GPS1: variants seen among roughly 807,000 people sequenced by gnomAD.
GPS1 encodes the protein COP9 signalosome complex subunit 1.
Under a neutral mutation model 60.0 loss-of-function variants are expected in GPS1, and 11 were observed. That is an observed-to-expected ratio of 0.18 (90% confidence interval 0.12 to 0.30). The LOEUF (loss-of-function observed/expected upper bound fraction) is 0.30, where lower values mean the gene tolerates loss of function less well. Ranked by LOEUF, GPS1 falls within the 10% of genes least tolerant of loss-of-function variation. The pLI is 1.00. For synonymous variants in GPS1, 343 were observed against 269.8 expected (o/e 1.27, Z -2.66); for missense variants, 543 against 669.2 (o/e 0.81, Z 2.08).
rs1209422749 is a variant in GPS1 at position 82,054,988 on chromosome 17, T to A, written c.687+13T>A. Reference sequence around the variant, plus strand: ...AGAGATTGCCGAGGTACGGGCCACCTCCTCAGAGACCTTGCCCCCAGGATT... The same window carrying A: ...AGAGATTGCCGAGGTACGGGCCACCACCTCAGAGACCTTGCCCCCAGGATT... On this transcript the variant is annotated intron_variant, in intron 5 of 12. Coordinates refer to ENST00000578552, the MANE Select transcript of GPS1 (RefSeq NM_001321092.3). The A allele has an allele frequency of 1.9e-6, 3 of 1,612,830 alleles. No homozygotes were observed. The highest frequency in any genetic ancestry group is 1.7e-6 in the Non-Finnish European group (2 of 1,179,912).
chr17:82,051,074 C>A (rs2030477984), upstream of GPS1: 2 of 1,369,312 alleles, frequency 1.5e-6, no homozygotes, highest in Middle Eastern at 2.7e-4. The surrounding 1 kb of genome is among the most constrained non-coding windows in gnomAD (Gnocchi z 4.1). Context: ...TAGCCCCACG[C>A]CCCGGGAAGC....
chr17:82,056,811 T>C (rs1258622596), intron 11 of GPS1, 29 bp from the exon 12 acceptor site: 3 of 1,609,610 alleles, frequency 1.9e-6, no homozygotes, highest in Non-Finnish European at 2.5e-6. Context: ...GGGGTGAGCC[T>C]GGGCCCCGCT....
chr17:82,056,351 C>T lies in GPS1; in HGVS notation c.995C>T (p.Ser332Phe), dbSNP rs1177110614. ...VRDIIFKFYESKYASCLKMLD... is the reference protein window; with the variant it reads ...VRDIIFKFYEFKYASCLKMLD... ...GACATCATCTTCAAATTCTACGAGT[C>T]CAAGTACGCCTCATGTCTCAAGATG... Residue 332 changes from serine (S) to phenylalanine (F), a missense_variant, in exon 9 of 13, where the codon TCC becomes TTC. By Grantham distance (155) the Ser-to-Phe change is radical (BLOSUM62 -2). This residue lies in a region of GPS1 where 291 missense variants were observed against 353.7 expected (regional missense o/e 0.82). Transcript: ENST00000578552. 1.2e-6 allele frequency: 2 copies of T among 1,613,376 alleles called. No homozygotes were observed. Among genetic ancestry groups the T allele is most frequent in the Admixed American group, 1.7e-5 (1 of 60,022 alleles).
At chr17:82,054,176 T>C (rs928540666) in intron 3 of GPS1, 127 bp downstream of exon 3, 9 of 1,111,372 alleles carry the variant, frequency 8.1e-6, no homozygotes, top group African/African-American at 1.6e-5. Flanking sequence ...GGTAGAGCTC[T>C]CGCTCTCTTT....
intron 1 of GPS1, chr17:82,052,530 G>A: frequency 2.0e-6 from 3 of 1,536,434 alleles, no homozygotes; most frequent in Non-Finnish European, 2.7e-6. Context: ...TGCTGTGGCT[G>A]GGCCCCTGCT....
Position 82,057,193 on chromosome 17 carries a change from G to GGCGGCTCAGTGCT in GPS1, c.*69_*81dup. 3 of 1,578,474 alleles carry GGCGGCTCAGTGCT rather than the reference G, an allele frequency of 1.9e-6. No homozygotes were observed. The highest frequency in any genetic ancestry group is 2.6e-6 in the Non-Finnish European group (3 of 1,156,378). On this transcript the variant is annotated 3_prime_UTR_variant, in exon 13 of 13. Coordinates refer to ENST00000578552, the MANE Select transcript of GPS1 (RefSeq NM_001321092.3). Reference sequence around the variant, plus strand: ...CACCTCCACGGACCTCGGACCTCCAGGCGGCTCAGTGCTGCCTGCGGCCCA... The same window carrying GGCGGCTCAGTGCT: ...CACCTCCACGGACCTCGGACCTCCAGGCGGCTCAGTGCTGCGGCTCAGTGCTGCCTGCGGCCCA...
At chr17:82,054,220 G>A in intron 3 of GPS1, 171 bp downstream of exon 3, 7 of 778,952 alleles carry the variant, frequency 9.0e-6, no homozygotes, top group Admixed American at 2.9e-5. Flanking sequence ...TGTGTGTGTG[G>A]CTTCTGTGTG....
Position 82,053,315 on chromosome 17 carries a change from A to G in GPS1, c.75A>G (p.Glu25=). ...TGCAGATCGACGTGGACCCCCAGGAAGACCCGCAGAATGCACCTGACGTCA... is the reference window on the plus strand; with the variant it reads ...TGCAGATCGACGTGGACCCCCAGGAGGACCCGCAGAATGCACCTGACGTCA... ...EPMQIDVDPQ[E]DPQNAPDVNY... The change falls in exon 2 of 13, where the codon GAA becomes GAG. Residue 25 remains glutamate (E), a synonymous_variant. Coordinates refer to ENST00000578552, the MANE Select transcript of GPS1 (RefSeq NM_001321092.3). The G allele has an allele frequency of 6.5e-7, 1 of 1,547,690 alleles. No homozygotes were observed. The highest frequency in any genetic ancestry group is 8.7e-7 in the Non-Finnish European group (1 of 1,155,452).
Position 82,051,955 on chromosome 17 carries a change from T to C in GPS1, c.24T>C (p.Phe8=). ...AGATGCCGCTGCCGGTTCAGGTGTT[T>C]AACTTGCAGGTAACGAGCCGAGGCC... MPLPVQV[F]NLQGAVEPMQ... is the part of the protein sequence containing the mutation. Residue 8 remains phenylalanine (F), a synonymous_variant, in exon 1 of 13, where the codon TTT becomes TTC. Coordinates refer to ENST00000578552, the MANE Select transcript of GPS1 (RefSeq NM_001321092.3). The surrounding 1 kb of genome is among the most constrained non-coding windows in gnomAD (Gnocchi z 4.1). The C allele has an allele frequency of 8.6e-7, 1 of 1,161,974 alleles. No individual in the cohort carries two copies. The highest frequency in any genetic ancestry group is 1.6e-5 in the African/African-American group (1 of 61,160). 72.0% of individuals were successfully genotyped at this position (1,161,974 alleles called of 1,614,324 possible).
In GPS1 at chr17:82,051,943, G is replaced by C; in HGVS notation, c.12G>C (p.Pro4=). Residue 4 remains proline, a synonymous_variant, in exon 1 of 13, where the codon CCG becomes CCC. Coordinates refer to ENST00000578552, the MANE Select transcript of GPS1 (RefSeq NM_001321092.3). The surrounding 1 kb of genome is among the most constrained non-coding windows in gnomAD (Gnocchi z 4.1). Reference sequence around the variant, plus strand: ...GGGGTGGGTGCAAGATGCCGCTGCCGGTTCAGGTGTTTAACTTGCAGGTAA... The same window carrying C: ...GGGGTGGGTGCAAGATGCCGCTGCCCGTTCAGGTGTTTAACTTGCAGGTAA... MPL[P]VQVFNLQGAV... is the part of the protein sequence containing the mutation. 3.4e-6 allele frequency: 4 copies of C among 1,166,234 alleles called. No individual in the cohort carries two copies. The highest frequency in any genetic ancestry group is 4.2e-6 in the Non-Finnish European group (4 of 944,508). The allele number at this position is 1,166,234 out of a possible 1,614,324, so 72.2% of individuals were successfully genotyped here.
At chr17:82,052,108 C>A in intron 1 of GPS1, 144 bp downstream of exon 1, 1 of 838,316 alleles carries the variant, frequency 1.2e-6, no homozygotes, top group South Asian at 5.5e-5. Context: ...CAGCGCGCGT[C>A]GGGGGCTGCA....
intron 1 of GPS1, chr17:82,052,397 C>G: frequency 6.2e-7 from 1 of 1,611,866 alleles, no homozygotes; most frequent in Non-Finnish European, 8.5e-7. Flanking sequence ...CCTCGTCCTG[C>G]CCGGCACGGC....
In GPS1 at chr17:82,057,171, C is replaced by A. The variant is rs749504466; in HGVS notation, c.*44C>A. The A allele has an allele frequency of 6.4e-7, 1 of 1,573,712 alleles. No individual in the cohort carries two copies. Among genetic ancestry groups the A allele is most frequent in the South Asian group, 1.2e-5 (1 of 86,024 alleles). On this transcript the variant is annotated 3_prime_UTR_variant, in exon 13 of 13. Coordinates refer to ENST00000578552, the MANE Select transcript of GPS1 (RefSeq NM_001321092.3). ...CAGGACATCTGCACCCCCTCCCCAC[C>A]TCCACGGACCTCGGACCTCCAGGCG...
chr17:82,051,053 G>T (rs904589902), upstream of GPS1: 2 of 1,387,652 alleles, frequency 1.4e-6, no homozygotes, highest in African/African-American at 2.9e-5. This position sits in a 1 kb window ranked among gnomAD's most constrained non-coding sequence, Gnocchi z 4.1. Context: ...CTTCTTCAGG[G>T]GACGTGGCAC....
At chr17:82,051,116 C>G, upstream of GPS1, 1 of 1,337,432 alleles carries the variant, frequency 7.5e-7, no homozygotes, top group Non-Finnish European at 9.5e-7. The surrounding 1 kb of genome is among the most constrained non-coding windows in gnomAD (Gnocchi z 4.1). Flanking sequence ...GGGAGCAGAG[C>G]TTGGCTGGCA....
chr17:82,055,216 G>A lies in GPS1; in HGVS notation c.742G>A (p.Ala248Thr). 6.4e-7 allele frequency: 1 copy of A among 1,554,222 alleles called. No individual in the cohort carries two copies. The highest frequency in any genetic ancestry group is 1.2e-5 in the South Asian group (1 of 84,408). ...GGCCATCCTCACCAAGCTCAAGTGTGCCGCAGGTGAGGGCCTGGGTCACGC... is the reference window on the plus strand; with the variant it reads ...GGCCATCCTCACCAAGCTCAAGTGTACCGCAGGTGAGGGCCTGGGTCACGC... Reference protein sequence around the residue: ...TQAILTKLKCAAGLAELAARK... With the variant: ...TQAILTKLKCTAGLAELAARK... Residue 248 changes from alanine to threonine, a missense_variant, in exon 6 of 13, where the codon GCC becomes ACC. By Grantham distance (58) the Ala-to-Thr change is moderately conservative. Transcript: ENST00000578552.
Position 82,051,948 on chromosome 17 carries a change from A to C in GPS1, c.17A>C (p.Gln6Pro). The change falls in exon 1 of 13, where the codon CAG becomes CCG. Residue 6 changes from glutamine (Q) to proline (P), a missense_variant. Transcript: ENST00000578552. This position sits in a 1 kb window ranked among gnomAD's most constrained non-coding sequence, Gnocchi z 4.1. MPLPV[Q>P]VFNLQGAVEP... Reference sequence around the variant, plus strand: ...GGGTGCAAGATGCCGCTGCCGGTTCAGGTGTTTAACTTGCAGGTAACGAGC... The same window carrying C: ...GGGTGCAAGATGCCGCTGCCGGTTCCGGTGTTTAACTTGCAGGTAACGAGC... 3 of 1,164,506 alleles carry C rather than the reference A, an allele frequency of 2.6e-6. No homozygotes were observed. Among genetic ancestry groups the C allele is most frequent in the Non-Finnish European group, 3.2e-6 (3 of 943,726 alleles). 72.1% of individuals were successfully genotyped at this position (1,164,506 alleles called of 1,614,324 possible).
At chr17:82,052,282 G>C in intron 1 of GPS1, 1 of 1,610,558 alleles carries the variant, frequency 6.2e-7, no homozygotes, top group Non-Finnish European at 8.5e-7. Context: ...TGTCAGGGTC[G>C]GGGGGTGCAG....
rs1252529329 is a variant in GPS1 at position 82,051,961 on chromosome 17, G to A, written c.30G>A (p.Leu10=). 4.3e-6 allele frequency: 5 copies of A among 1,164,428 alleles called. No homozygotes were observed. The highest frequency in any genetic ancestry group is 4.2e-6 in the Non-Finnish European group (4 of 943,550). 72.1% of individuals were successfully genotyped at this position (1,164,428 alleles called of 1,614,324 possible). The change falls in exon 1 of 13, where the codon TTG becomes TTA. Residue 10 remains leucine, a synonymous_variant. Coordinates refer to ENST00000578552, the MANE Select transcript of GPS1 (RefSeq NM_001321092.3). The surrounding 1 kb of genome is among the most constrained non-coding windows in gnomAD (Gnocchi z 4.1). ...CGCTGCCGGTTCAGGTGTTTAACTT[G>A]CAGGTAACGAGCCGAGGCCGCCCCG... is the stretch of plus-strand genomic sequence containing the variant. The part of the protein sequence containing the change: MPLPVQVFN[L]QGAVEPMQID...
Sources: allele counts gnomAD v4.1 joint callset, GRCh38; gene constraint gnomAD v4.1.1; regional missense constraint gnomAD v4.1.1; non-coding constraint Gnocchi (gnomAD v3.1); transcripts MANE v1.5; gene names NCBI Gene and HGNC (gene_info 2026-07-23, HGNC 2026-07-21).